Variants in SNX29 observed in about 807,000 individuals in gnomAD.
The protein encoded by SNX29 is sorting nexin-29.
A neutral mutation model predicts 102.1 loss-of-function variants in SNX29; 78 were observed. That is an observed-to-expected ratio of 0.76 (90% confidence interval 0.64 to 0.92). The LOEUF (loss-of-function observed/expected upper bound fraction) is 0.92. Ranked by LOEUF, SNX29 falls within the 40% of genes least tolerant of loss-of-function variation. SNX29 has a pLI of 0.00. For missense variants in SNX29, 1,280 were observed against 1,061.7 expected (o/e 1.21, Z -2.86); for synonymous variants, 580 against 414.5 (o/e 1.40, Z -4.85).
At chr16:12,494,729 C>G (rs1884235691) in intron 19 of SNX29, among the ~76,000 whole-genome samples, 1 of 152,136 alleles carries the variant, frequency 6.6e-6, no homozygotes, top group African/African-American at 2.4e-5. Context: ...AGTTTTGAAG[C>G]TTTTTTGAGT....
intron 19 of SNX29, among the ~76,000 whole-genome samples, chr16:12,506,180 T>C (rs1240139391): frequency 1.3e-5 from 2 of 152,172 alleles, no homozygotes; most frequent in Non-Finnish European, 2.9e-5. Flanking sequence ...AGGCTGGTCT[T>C]GAACTCCTGA....
chr16:12,484,115 C>G (rs1047896606), intron 19 of SNX29, among the ~76,000 whole-genome samples: 1 of 152,188 alleles, frequency 6.6e-6, no homozygotes, highest in Non-Finnish European at 1.5e-5. Flanking sequence ...TCACCTGCTT[C>G]CTGCATCCCT....
chr16:12,418,523 T>C (rs1166477863), intron 18 of SNX29, among the ~76,000 whole-genome samples: 1 of 29,586 alleles, frequency 3.4e-5, no homozygotes, highest in Admixed American at 3.1e-4. Flanking sequence ...TTTTCTTTTC[T>C]TTTTTTTTTG....
chr16:12,324,382 G>C lies in SNX29; in HGVS notation c.1783-31781G>C, dbSNP rs2081051744. Among the ~76,000 whole-genome samples the C allele has an allele frequency of 2.6e-5, 4 of 152,158 alleles. No homozygotes were observed. In the South Asian group the frequency reaches 8.3e-4, roughly 32 times the overall value. ...AACAGGATGACCTTTCTCCTCTCCA[G>C]CTGATTCTCGCCCTGTGGAAATGCT... On this transcript the variant is annotated intron_variant, in intron 15 of 20. Coordinates refer to ENST00000566228, the MANE Select transcript of SNX29 (RefSeq NM_032167.5).
chr16:12,366,222 A>T (rs1279143672), intron 16 of SNX29, among the ~76,000 whole-genome samples: 1 of 152,110 alleles, frequency 6.6e-6, no homozygotes, highest in Non-Finnish European at 1.5e-5. Context: ...CAAGGGTCAC[A>T]CACGGGGGTG....
chr16:12,109,107 A>C (rs2053391694), intron 11 of SNX29, among the ~76,000 whole-genome samples: 1 of 138,872 alleles, frequency 7.2e-6, no homozygotes, highest in Admixed American at 8.0e-5. Flanking sequence ...CAGCCTGGGC[A>C]ATAGAGTGAG....
chr16:12,108,759 C>T (rs1175363538), intron 11 of SNX29, among the ~76,000 whole-genome samples: 3 of 152,156 alleles, frequency 2.0e-5, no homozygotes, highest in Admixed American at 1.3e-4. Flanking sequence ...GCCTCTGCTC[C>T]ATCCATACAC....
At chr16:12,561,849 C>T (rs1251625101) in intron 20 of SNX29, among the ~76,000 whole-genome samples, 4 of 152,264 alleles carry the variant, frequency 2.6e-5, no homozygotes, top group South Asian at 2.1e-4. Flanking sequence ...GGAGGGGAGG[C>T]AGTGCCCTGG....
At chr16:12,542,836 C>G (rs977033720) in intron 20 of SNX29, among the ~76,000 whole-genome samples, 14 of 151,932 alleles carry the variant, frequency 9.2e-5, no homozygotes, top group African/African-American at 2.7e-4. Context: ...GGTGTGTGGA[C>G]CCATGAGCAG....
intron 19 of SNX29, among the ~76,000 whole-genome samples, chr16:12,487,186 G>T (rs1271082649): frequency 6.6e-6 from 1 of 152,156 alleles, no homozygotes; most frequent in East Asian, 1.9e-4. Flanking sequence ...TCTGTGTTCA[G>T]GTTTGTTAGG....
In SNX29 at chr16:12,136,904, T is replaced by A. The variant is rs541754057; in HGVS notation, c.1595+7146T>A. ...ACAGGTGCCCGCCATCACGCCTGGC[T>A]AATTTTTATATTTTTAGTAGAGATG... On this transcript the variant is annotated intron_variant, in intron 13 of 20. Coordinates refer to ENST00000566228, the MANE Select transcript of SNX29 (RefSeq NM_032167.5). Among the ~76,000 whole-genome samples the A allele has an allele frequency of 2.6e-5, 4 of 152,288 alleles. No homozygotes were observed. In the South Asian group the frequency reaches 8.3e-4, roughly 32 times the overall value.
At chr16:12,537,583 C>A (rs992640810) in intron 20 of SNX29, among the ~76,000 whole-genome samples, 2 of 152,146 alleles carry the variant, frequency 1.3e-5, no homozygotes, top group Non-Finnish European at 2.9e-5. Context: ...TTTGTTTTTA[C>A]TTCTTTGTTC....
intron 13 of SNX29, among the ~76,000 whole-genome samples, chr16:12,167,359 A>G (rs1353097371): frequency 6.6e-6 from 1 of 151,980 alleles, no homozygotes; most frequent in Non-Finnish European, 1.5e-5. Context: ...GGCCCTCCAG[A>G]CTGTCCAGGT....
chr16:12,107,654 CA>C (rs540608506), intron 11 of SNX29, among the ~76,000 whole-genome samples: 1 of 151,364 alleles, frequency 6.6e-6, no homozygotes, highest in Non-Finnish European at 1.5e-5. Flanking sequence ...AAAACAAAAA[CA>C]AAAAAAAGAG....
intron 18 of SNX29, among the ~76,000 whole-genome samples, chr16:12,419,239 G>A (rs1441027633): frequency 6.6e-6 from 1 of 152,140 alleles, no homozygotes; most frequent in Non-Finnish European, 1.5e-5. Context: ...GGTAGGGGTT[G>A]AATCTGTGCC....
intron 11 of SNX29, among the ~76,000 whole-genome samples, chr16:12,101,539 A>C (rs570791621): frequency 1.3e-5 from 2 of 151,860 alleles, no homozygotes; most frequent in East Asian, 3.9e-4. Flanking sequence ...ATGCACCACC[A>C]TGCCTGGCCA....
At chr16:12,420,343 A>G (rs1170867739) in intron 18 of SNX29, among the ~76,000 whole-genome samples, 1 of 152,254 alleles carries the variant, frequency 6.6e-6, no homozygotes, top group Admixed American at 6.5e-5. Context: ...TGTTAGACCC[A>G]TCCTGATTTC....
At chr16:12,560,446 G>T (rs560922070) in intron 20 of SNX29, among the ~76,000 whole-genome samples, 9 of 152,216 alleles carry the variant, frequency 5.9e-5, no homozygotes, top group African/African-American at 2.2e-4. Context: ...CCCCAGCCCC[G>T]AGTCTTTTGG....
chr16:12,390,142 A>C (rs1307908941), intron 16 of SNX29, among the ~76,000 whole-genome samples: 1 of 133,886 alleles, frequency 7.5e-6, no homozygotes, highest in Non-Finnish European at 1.6e-5. Flanking sequence ...CGTGCGTGCA[A>C]TTGAGGGGTG....
Sources: allele counts gnomAD v4.1 joint callset (sites outside exome capture counted in the v4.1 genomes callset), GRCh38; gene constraint gnomAD v4.1.1; transcripts MANE v1.5; gene names NCBI Gene and HGNC (gene_info 2026-07-23, HGNC 2026-07-21).